CD1A: variants seen among roughly 807,000 people sequenced by gnomAD.
The protein encoded by CD1A is CD1a molecule.
CD1A carries 50 observed loss-of-function variants against 38.3 expected under a neutral mutation model. That is an observed-to-expected ratio of 1.30 (90% CI 1.04 to 1.65). The LOEUF (loss-of-function observed/expected upper bound fraction) is 1.65, where lower values mean the gene tolerates loss of function less well. Among genes scored for constraint, CD1A ranks in the 40% most tolerant of loss-of-function variants. CD1A has a pLI of 0.00. For missense variants in CD1A, 459 were observed against 406.1 expected (o/e 1.13, Z -1.12); for synonymous variants, 160 against 150.8 (o/e 1.06, Z -0.45).
chr1:158,256,737 G>T, intron 3 of CD1A, 49 bp from the exon 4 acceptor site: 2 of 1,580,772 alleles, frequency 1.3e-6, no homozygotes, highest in South Asian at 1.1e-5. Flanking sequence ...CTGTTGTGGA[G>T]ATATGAAACT....
chr1:158,257,491 G>T lies in CD1A; in HGVS notation c.954G>T (p.Ala318=). 6.2e-7 allele frequency: 1 copy of T among 1,613,974 alleles called. No individual in the cohort carries two copies. The highest frequency in any genetic ancestry group is 1.3e-5 in the African/African-American group (1 of 75,014). The change falls in exon 5 of 6, where the codon GCG becomes GCT. Residue 318 remains alanine, a synonymous_variant. Coordinates refer to ENST00000289429, the MANE Select transcript of CD1A (RefSeq NM_001763.3). The stretch of plus-strand genomic sequence containing the variant: ...CTTTACTTCTTCTGATAGGTCTTGC[G>T]CTTTGGTTCAGGAAACGCTGGTGAG... ...IVPLLLLIGL[A]LWFRKRCFC
upstream of CD1A, among the ~76,000 whole-genome samples, chr1:158,252,411 C>A (rs1444198613): frequency 6.6e-6 from 1 of 152,124 alleles, no homozygotes. Context: ...AATTCTTATT[C>A]TTACTGGCTT....
At chr1:158,257,125 A>G in intron 4 of CD1A, 61 bp downstream of exon 4, 1 of 1,531,410 alleles carries the variant, frequency 6.5e-7, no homozygotes, top group South Asian at 1.3e-5. Context: ...GCATAGAGGG[A>G]GGGCAAGCTG....
At position 158,254,781 on chromosome 1, in the gene CD1A, CTCTCTGTGTGTG is replaced by C. The variant is rs997415804; in HGVS notation, c.58+56_58+67del. On this transcript the variant is annotated intron_variant, in intron 1 of 5. Coordinates refer to ENST00000289429, the MANE Select transcript of CD1A (RefSeq NM_001763.3). ...GTGGTGGGTGAAGGTCTCTCTCTCT[CTCTCTGTGTGTG>C]TGTGTGTGTGTGTGTGTGTGTGTGT... The C allele has an allele frequency of 1.3e-5, 13 of 1,038,266 alleles. No homozygotes were observed. The African/African-American group carries it at 2.0e-4, about 16-fold the overall frequency. The allele number at this position is 1,038,266 out of a possible 1,614,324, so 64.3% of individuals were successfully genotyped here.
chr1:158,253,783 T>C (rs972571207), upstream of CD1A, among the ~76,000 whole-genome samples: 1 of 152,146 alleles, frequency 6.6e-6, no homozygotes, highest in Non-Finnish European at 1.5e-5. Flanking sequence ...CTTGTTTTTA[T>C]CCAGAGAGTG....
chr1:158,257,311 G>A (rs1236722015), intron 4 of CD1A, 110 bp from the exon 5 acceptor site: 3 of 988,762 alleles, frequency 3.0e-6, no homozygotes, highest in South Asian at 1.5e-5. Context: ...AGATTGGTAA[G>A]TTGGATACTC....
chr1:158,256,971 G>A lies in CD1A; in HGVS notation c.790G>A (p.Ala264Thr), dbSNP rs778216345. Residue 264 changes from alanine (A) to threonine (T), a missense_variant, in exon 4 of 6, where the codon GCA becomes ACA. Coordinates refer to ENST00000289429, the MANE Select transcript of CD1A (RefSeq NM_001763.3). ...PSADGTWYLR[A>T]TLEVAAGEAA... ...TGCTGATGGGACATGGTATCTCCGC[G>A]CAACCCTGGAGGTGGCCGCTGGGGA... 11 of 1,614,178 alleles carry A rather than the reference G, an allele frequency of 6.8e-6. No individual in the cohort carries two copies. Among genetic ancestry groups the A allele is most frequent in the East Asian group, 2.2e-5 (1 of 44,864 alleles).
intron 1 of CD1A, 117 bp downstream of exon 1, chr1:158,254,844 C>T (rs1650192020): frequency 1.1e-6 from 1 of 893,032 alleles, no homozygotes; most frequent in Non-Finnish European, 1.8e-6. Flanking sequence ...GTTTCCCTAG[C>T]ATATACCTGG....
Position 158,257,787 on chromosome 1 carries a change from C to A in CD1A, c.*97C>A. 1 of 1,028,634 alleles carries A rather than the reference C, an allele frequency of 9.7e-7. No individual in the cohort carries two copies. The highest frequency in any genetic ancestry group is 1.5e-6 in the Non-Finnish European group (1 of 666,338). The allele number at this position is 1,028,634 out of a possible 1,614,324, so 63.7% of individuals were successfully genotyped here. On this transcript the variant is annotated 3_prime_UTR_variant, in exon 6 of 6. Coordinates refer to ENST00000289429, the MANE Select transcript of CD1A (RefSeq NM_001763.3). The stretch of plus-strand genomic sequence containing the variant: ...ACACCTGAACACATCGTGATGATGA[C>A]GTCCTCTCAACTCTCTTTGTAAAAA...
upstream of CD1A, among the ~76,000 whole-genome samples, chr1:158,251,935 C>A (rs1257618482): frequency 6.6e-6 from 1 of 151,946 alleles, no homozygotes; most frequent in African/African-American, 2.4e-5. Context: ...CGGCTCACTG[C>A]AACCTCCGCC....
chr1:158,256,584 C>A (rs558732253), intron 3 of CD1A, among the ~76,000 whole-genome samples: 13 of 151,796 alleles, frequency 8.6e-5, no homozygotes, highest in African/African-American at 3.1e-4. Flanking sequence ...GCAGGAGGAT[C>A]GCTTGAGCCT....
rs115555846 is a variant in CD1A at position 158,257,777 on chromosome 1, G to C, written c.*87G>C. 1 of 1,136,670 alleles carries C rather than the reference G, an allele frequency of 8.8e-7. No individual in the cohort carries two copies. Among genetic ancestry groups the C allele is most frequent in the African/African-American group, 1.5e-5 (1 of 64,668 alleles). 70.4% of individuals were successfully genotyped at this position (1,136,670 alleles called of 1,614,324 possible). A position where few individuals can be genotyped will look rare whatever the true frequency, so the allele number is the denominator to read the frequency against. ...GGCTCCAGACACACCTGAACACATC[G>C]TGATGATGACGTCCTCTCAACTCTC... On this transcript the variant is annotated 3_prime_UTR_variant, in exon 6 of 6. Coordinates refer to ENST00000289429, the MANE Select transcript of CD1A (RefSeq NM_001763.3).
intron 4 of CD1A, 116 bp from the exon 5 acceptor site, chr1:158,257,305 T>A (rs1650293936): frequency 3.1e-6 from 3 of 969,908 alleles, no homozygotes; most frequent in Non-Finnish European, 4.8e-6. Flanking sequence ...AAAAGGAGAT[T>A]GGTAAGTTGG....
chr1:158,252,483 AGTCT>A (rs931107876), upstream of CD1A, among the ~76,000 whole-genome samples: 1 of 152,022 alleles, frequency 6.6e-6, no homozygotes. Flanking sequence ...TCCTTTGAGG[AGTCT>A]GTCTTTCTTT....
At chr1:158,251,193 T>C (rs987160080), upstream of CD1A, among the ~76,000 whole-genome samples, 3 of 152,222 alleles carry the variant, frequency 2.0e-5, no homozygotes, top group African/African-American at 7.2e-5. Context: ...ATTTATTAAG[T>C]GGATCATCAC....
At chr1:158,253,508 A>G (rs2101629474), upstream of CD1A, among the ~76,000 whole-genome samples, 1 of 152,374 alleles carries the variant, frequency 6.6e-6, no homozygotes, top group East Asian at 1.9e-4. Context: ...ACATAGGGTT[A>G]CAAGTAACTT....
At chr1:158,251,454 G>T (rs1650086475), upstream of CD1A, among the ~76,000 whole-genome samples, 3 of 152,190 alleles carry the variant, frequency 2.0e-5, no homozygotes, top group South Asian at 4.1e-4. Context: ...TGTTCCTAGG[G>T]TGGGGCTGGT....
upstream of CD1A, among the ~76,000 whole-genome samples, chr1:158,253,313 T>C (rs184600287): frequency 4.6e-5 from 7 of 152,218 alleles, no homozygotes; most frequent in East Asian, 1.4e-3. Flanking sequence ...AACATCCAAA[T>C]AGGACTAATA....
chr1:158,257,399 T>C (rs1558067556), intron 4 of CD1A, 22 bp from the exon 5 acceptor site: 1 of 1,571,080 alleles, frequency 6.4e-7, no homozygotes, highest in South Asian at 1.1e-5. Flanking sequence ...ATAACATCCT[T>C]GGTGTCTCCC....
Sources: gnomAD v4.1 joint callset for allele counts (sites outside exome capture counted in the v4.1 genomes callset) on GRCh38, gnomAD v4.1.1 for gene constraint, MANE v1.5 for transcripts, NCBI Gene and HGNC (gene_info 2026-07-23, HGNC 2026-07-21) for gene names.